The following GABRA3 variants were observed in gnomAD, a reference collection of about 807,000 sequenced individuals.
GABRA3 encodes the protein gamma-aminobutyric acid type A receptor subunit alpha3.
GABRA3 carries 10 observed loss-of-function variants against 30.1 expected under a neutral mutation model. That is an observed-to-expected ratio of 0.33 (90% CI 0.20 to 0.56). GABRA3 has a LOEUF of 0.56. Among genes scored for constraint, GABRA3 ranks in the 20% least tolerant of loss-of-function variants. The probability of loss-of-function intolerance (pLI) is 0.89; values close to 1 mark genes in which losing one functional copy is unlikely to be tolerated. For synonymous variants in GABRA3, 151 were observed against 146.8 expected (o/e 1.03, Z -0.21); for missense variants, 233 against 392.0 (o/e 0.59, Z 3.42).
At chrX:152,394,599 A>C (rs1383952158) in intron 1 of GABRA3, 1 of 324,539 alleles carries the variant, frequency 3.1e-6, no homozygotes, top group Non-Finnish European at 6.3e-6. Context: ...GTAGAAATTA[A>C]TATACATAGT....
At chrX:152,418,553 T>C (rs1032402730) in intron 1 of GABRA3, among the ~76,000 whole-genome samples, 2 of 111,854 alleles carry the variant, frequency 1.8e-5, no homozygotes, top group African/African-American at 6.5e-5. Context: ...TAGGCTTAGA[T>C]ACATGTATTT....
At chrX:152,217,292 T>G (rs1347560177) in intron 6 of GABRA3, among the ~76,000 whole-genome samples, 2 of 111,370 alleles carry the variant, frequency 1.8e-5, no homozygotes, top group South Asian at 7.3e-4. Flanking sequence ...CTGGGAAAAA[T>G]CTCACTTAAA....
intron 1 of GABRA3, among the ~76,000 whole-genome samples, chrX:152,406,979 A>G (rs919780544): frequency 8.9e-6 from 1 of 112,347 alleles, no homozygotes; most frequent in Non-Finnish European, 1.9e-5. Flanking sequence ...TGAAAATTAA[A>G]TATGTTCCTG....
intron 2 of GABRA3, among the ~76,000 whole-genome samples, chrX:152,360,468 A>T (rs1354492998): frequency 1.0e-5 from 1 of 98,821 alleles, no homozygotes; most frequent in Non-Finnish European, 2.0e-5. Flanking sequence ...AACACCGCAT[A>T]TTCTCACTCA....
chrX:152,176,280 T>C (rs1937075196), intron 9 of GABRA3, among the ~76,000 whole-genome samples: 2 of 110,460 alleles, frequency 1.8e-5, no homozygotes, highest in Admixed American at 1.9e-4. Context: ...ATTAAACTAT[T>C]TGGAGCAGAA....
chrX:152,239,442 G>A (rs1938306565), intron 5 of GABRA3, among the ~76,000 whole-genome samples: 1 of 99,103 alleles, frequency 1.0e-5, no homozygotes, highest in African/African-American at 3.9e-5. Flanking sequence ...AATAGGTGTG[G>A]TGTGGTGCTG....
At chrX:152,366,031 A>G (rs969589624) in intron 1 of GABRA3, among the ~76,000 whole-genome samples, 2 of 111,914 alleles carry the variant, frequency 1.8e-5, no homozygotes, top group African/African-American at 6.5e-5. Context: ...ATGAACAATA[A>G]AAGAGTTGAT....
chrX:152,175,830 C>T (rs1603197130), intron 9 of GABRA3, among the ~76,000 whole-genome samples: 1 of 110,582 alleles, frequency 9.0e-6, no homozygotes, highest in East Asian at 2.9e-4. Flanking sequence ...TTTGGGAGGC[C>T]AAGGCGGGCA....
intron 1 of GABRA3, among the ~76,000 whole-genome samples, chrX:152,396,206 C>T (rs777143566): frequency 9.0e-6 from 1 of 111,617 alleles, no homozygotes; most frequent in South Asian, 3.8e-4. Context: ...TGGAGTGATG[C>T]TGCCACAAGC....
chrX:152,213,054 A>G lies in GABRA3; in HGVS notation c.635-4910T>C, dbSNP rs6627550. 0.018 allele frequency among the ~76,000 whole-genome samples: 1,996 copies of G among 111,553 alleles called. 101 individuals are homozygous for G. The East Asian group carries it at 0.25, about 14-fold the overall frequency. On this transcript the variant is annotated intron_variant, in intron 6 of 9. Transcript: ENST00000370314. ...GCACTCGCTGAATGGGCCCCTCAAT[A>G]TATTTCATGAGCTATAATGGCAAAA...
At chrX:152,235,164 C>T (rs940544090) in intron 5 of GABRA3, among the ~76,000 whole-genome samples, 1 of 111,227 alleles carries the variant, frequency 9.0e-6, no homozygotes, top group African/African-American at 3.3e-5. Context: ...TTGTAGTTTT[C>T]GTTGTTGAGA....
At chrX:152,223,611 T>C (rs1466440973) in intron 6 of GABRA3, among the ~76,000 whole-genome samples, 1 of 109,827 alleles carries the variant, frequency 9.1e-6, no homozygotes, top group South Asian at 4.0e-4. Flanking sequence ...ACATACGGTA[T>C]TTTTCCTGGT....
At chrX:152,313,305 C>T (rs952895793) in intron 3 of GABRA3, among the ~76,000 whole-genome samples, 1 of 111,423 alleles carries the variant, frequency 9.0e-6, no homozygotes, top group African/African-American at 3.3e-5. Context: ...CCTTTCACTT[C>T]CCAGTGTCTC....
At chrX:152,221,537 T>C (rs1311278334) in intron 6 of GABRA3, among the ~76,000 whole-genome samples, 2 of 112,071 alleles carry the variant, frequency 1.8e-5, no homozygotes, top group Non-Finnish European at 3.8e-5. Context: ...AATATTTCCA[T>C]ATAAACTTTA....
intron 5 of GABRA3, 53 bp from the exon 6 acceptor site, chrX:152,224,898 A>G: frequency 3.4e-6 from 3 of 883,555 alleles, no homozygotes; most frequent in Non-Finnish European, 4.9e-6. Flanking sequence ...ATGTTATTAA[A>G]CACAGGGCTG....
At position 152,354,911 on chromosome X, in the gene GABRA3, G is replaced by A. The variant is rs779788144; in HGVS notation, c.141-9209C>T. Among the ~76,000 whole-genome samples the A allele has an allele frequency of 8.2e-4, 92 of 111,886 alleles. 1 individual carries two copies. Among genetic ancestry groups the A allele is most frequent in the Middle Eastern group, 4.6e-3 (1 of 216 alleles). On this transcript the variant is annotated intron_variant, in intron 2 of 9. Transcript: ENST00000370314. ...GTATTGATGCATTGATTCTTTAATA[G>A]AAATTACATGTAAATGGAAGGGTTT...
chrX:152,343,077 T>TGTCTTTCTCTCC (rs1940338645), intron 3 of GABRA3, among the ~76,000 whole-genome samples: 2 of 111,705 alleles, frequency 1.8e-5, no homozygotes, highest in Non-Finnish European at 3.8e-5. Context: ...TCTCTCTCTC[T>TGTCTTTCTCTCC]GTCTTTCTCT....
chrX:152,367,227 A>T (rs1019162573), intron 1 of GABRA3, among the ~76,000 whole-genome samples: 1 of 111,440 alleles, frequency 9.0e-6, no homozygotes, highest in African/African-American at 3.3e-5. Context: ...AGTACAGTAC[A>T]TAAAAAAAAA....
At chrX:152,416,226 C>T (rs200532827) in intron 1 of GABRA3, among the ~76,000 whole-genome samples, 3 of 96,546 alleles carry the variant, frequency 3.1e-5, no homozygotes, top group African/African-American at 1.1e-4. Context: ...TATACACCAG[C>T]AACAGACAAA....
Sources: gnomAD v4.1 joint callset for allele counts (sites outside exome capture counted in the v4.1 genomes callset) on GRCh38, gnomAD v4.1.1 for gene constraint, MANE v1.5 for transcripts, NCBI Gene and HGNC (gene_info 2026-07-23, HGNC 2026-07-21) for gene names.